The following PPP1R9A variants were observed in gnomAD, a reference collection of about 807,000 sequenced individuals.
PPP1R9A encodes the protein protein phosphatase 1 regulatory subunit 9A, also known as neurabin-1.
In PPP1R9A, 59 loss-of-function variants were observed where a neutral mutation model predicts 141.9. The ratio of observed to expected loss-of-function variants is 0.42; its 90% CI spans 0.34 to 0.52. The LOEUF (loss-of-function observed/expected upper bound fraction) is 0.52. PPP1R9A is among the 20% of genes least tolerant of loss of function. The pLI is 0.10. For missense variants in PPP1R9A, 1,444 were observed against 1,611.9 expected (o/e 0.90, Z 1.78); for synonymous variants, 500 against 569.7 (o/e 0.88, Z 1.74).
At chr7:95,265,023 G>A (rs1382936268) in intron 12 of PPP1R9A, among the ~76,000 whole-genome samples, 1 of 152,192 alleles carries the variant, frequency 6.6e-6, no homozygotes, top group Non-Finnish European at 1.5e-5. Flanking sequence ...CACTGAGCCA[G>A]TTGGATTTCC....
At chr7:94,980,996 G>A (rs1563076712) in intron 2 of PPP1R9A, among the ~76,000 whole-genome samples, 1 of 152,192 alleles carries the variant, frequency 6.6e-6, no homozygotes, top group Non-Finnish European at 1.5e-5. Context: ...GAATTTCAGT[G>A]TAGTGGAAGA....
chr7:95,217,002 A>G (rs1245383521), intron 7 of PPP1R9A, among the ~76,000 whole-genome samples: 4 of 152,096 alleles, frequency 2.6e-5, no homozygotes, highest in Non-Finnish European at 5.9e-5. Flanking sequence ...TTCCAACACT[A>G]TGTTGAATAG....
chr7:95,274,833 G>T (rs1802866847), intron 16 of PPP1R9A, among the ~76,000 whole-genome samples: 1 of 152,102 alleles, frequency 6.6e-6, no homozygotes, highest in East Asian at 1.9e-4. Context: ...TTGAATCATG[G>T]CTCTCCTACT....
At chr7:94,917,763 A>G (rs1035184073) in intron 2 of PPP1R9A, among the ~76,000 whole-genome samples, 4 of 152,146 alleles carry the variant, frequency 2.6e-5, no homozygotes, top group Non-Finnish European at 5.9e-5. Context: ...TTTCTCACAA[A>G]TGACACTAAT....
chr7:95,254,572 G>A lies in PPP1R9A; in HGVS notation c.2665+2442G>A, dbSNP rs150566357. ...GACCTTCTACTGACTGTCCAATTCT[G>A]ATTTGCTTTTCAGGCACTGGAGTGG... On this transcript the variant is annotated intron_variant, in intron 12 of 19. Coordinates refer to ENST00000433360, the MANE Select transcript of PPP1R9A (RefSeq NM_001166160.2). Among the ~76,000 whole-genome samples the A allele has an allele frequency of 3.0e-3, 462 of 152,284 alleles. 3 individuals are homozygous for A. The highest frequency in any genetic ancestry group is 0.023 in the South Asian group (110 of 4,832).
chr7:94,997,974 G>GA (rs869129167), intron 2 of PPP1R9A, among the ~76,000 whole-genome samples: 1 of 151,812 alleles, frequency 6.6e-6, no homozygotes, highest in African/African-American at 2.4e-5. Context: ...CTCAATGTTT[G>GA]AAAAAAAATT....
At chr7:95,121,984 T>C (rs1251989889) in intron 4 of PPP1R9A, among the ~76,000 whole-genome samples, 1 of 152,120 alleles carries the variant, frequency 6.6e-6, no homozygotes, top group Non-Finnish European at 1.5e-5. Flanking sequence ...GACCCAAATA[T>C]ACGACTGCTA....
At chr7:94,990,973 A>G (rs1353886200) in intron 2 of PPP1R9A, among the ~76,000 whole-genome samples, 3 of 152,028 alleles carry the variant, frequency 2.0e-5, no homozygotes, top group African/African-American at 7.2e-5. Flanking sequence ...TTAATTTCAT[A>G]TCTTGGCTAT....
chr7:95,129,512 A>T (rs1824196263), intron 4 of PPP1R9A, among the ~76,000 whole-genome samples: 1 of 152,206 alleles, frequency 6.6e-6, no homozygotes. Context: ...TTGAAAACAG[A>T]CTAATACCCC....
chr7:94,965,647 C>T (rs537544829), intron 2 of PPP1R9A, among the ~76,000 whole-genome samples: 41 of 151,998 alleles, frequency 2.7e-4, no homozygotes, highest in African/African-American at 8.4e-4. Context: ...GCATTATTTC[C>T]GAGGCCTCTG....
Position 95,163,803 on chromosome 7 carries a change from A to G in PPP1R9A, c.1754+1832A>G, listed in dbSNP as rs147118869. 2.0e-5 allele frequency among the ~76,000 whole-genome samples: 3 copies of G among 152,042 alleles called. No individual in the cohort carries two copies. In the South Asian group the frequency reaches 6.2e-4, roughly 32 times the overall value. ...CACCCAGGCTGGAGTGCAGTGGCGCAGTCTCAACTCATTGCAATCTCTGCC... is the reference window on the plus strand; with the variant it reads ...CACCCAGGCTGGAGTGCAGTGGCGCGGTCTCAACTCATTGCAATCTCTGCC... On this transcript the variant is annotated intron_variant, in intron 5 of 19. Transcript: ENST00000433360.
rs545694643 is a variant in PPP1R9A, at chr7:94,957,559, G to A, written c.1395+46051G>A. 7.9e-5 allele frequency among the ~76,000 whole-genome samples: 12 copies of A among 152,158 alleles called. No individual in the cohort carries two copies. In the East Asian group the frequency reaches 2.1e-3, roughly 27 times the overall value. On this transcript the variant is annotated intron_variant, in intron 2 of 19. Coordinates refer to ENST00000433360, the MANE Select transcript of PPP1R9A (RefSeq NM_001166160.2). ...GTTATGGTTAGAACTGGGTTCCAAA[G>A]CTTAGGGAAGGGAGATGATTTTAAT...
chr7:95,197,751 C>T (rs776484036), intron 5 of PPP1R9A, among the ~76,000 whole-genome samples: 6 of 152,124 alleles, frequency 3.9e-5, no homozygotes, highest in Non-Finnish European at 5.9e-5. Flanking sequence ...CGGATTCAAA[C>T]GATTCTCCTG....
intron 6 of PPP1R9A, among the ~76,000 whole-genome samples, chr7:95,200,636 G>A (rs1157752928): frequency 2.0e-5 from 3 of 152,100 alleles, no homozygotes; most frequent in Middle Eastern, 3.4e-3. Flanking sequence ...GTTTTTACTT[G>A]ACATTTATAC....
chr7:95,182,836 C>CA (rs952316933), intron 5 of PPP1R9A, among the ~76,000 whole-genome samples: 7 of 152,104 alleles, frequency 4.6e-5, no homozygotes, highest in Non-Finnish European at 8.8e-5. Flanking sequence ...GCAAGGATTT[C>CA]AAAAAAACTA....
In PPP1R9A at chr7:95,161,881, A is replaced by G; in HGVS notation, c.1664A>G (p.Asp555Gly). The stretch of plus-strand genomic sequence containing the variant: ...TCTTTCTAAAGAATACAAGTCAATG[A>G]CCAGATTGTGGAAGTGGATGGAATC... Reference protein sequence around the residue: ...AQRDGRIQVNDQIVEVDGISL... With the variant: ...AQRDGRIQVNGQIVEVDGISL... Residue 555 changes from aspartate to glycine, a missense_variant, in exon 5 of 20, where the codon GAC (aspartate) becomes GGC (glycine). By Grantham distance (94) the Asp-to-Gly change is moderately conservative. Transcript: ENST00000433360. 1 of 1,608,040 alleles carries G rather than the reference A, an allele frequency of 6.2e-7. No individual in the cohort carries two copies. The highest frequency in any genetic ancestry group is 8.5e-7 in the Non-Finnish European group (1 of 1,176,734).
At position 95,292,700 on chromosome 7, in the gene PPP1R9A, A is replaced by G. The variant is rs1806536780; in HGVS notation, c.*2397A>G. 6.6e-6 allele frequency: 1 copy of G among 152,174 alleles called. No individual in the cohort carries two copies. The highest frequency in any genetic ancestry group is 1.5e-5 in the Non-Finnish European group (1 of 68,016). 9.4% of individuals were successfully genotyped at this position (152,174 alleles called of 1,614,324 possible). The stretch of plus-strand genomic sequence containing the variant: ...TGATTTTTTAAGTTAAATTATAGTA[A>G]TTTTAGGCCGAAGTGAGTTATTTTA... On this transcript the variant is annotated 3_prime_UTR_variant, in exon 20 of 20. Transcript: ENST00000433360.
chr7:95,114,702 TA>T (rs1216506554), intron 3 of PPP1R9A, among the ~76,000 whole-genome samples: 1 of 152,054 alleles, frequency 6.6e-6, no homozygotes, highest in Non-Finnish European at 1.5e-5. Context: ...TGGGTTAATA[TA>T]ATGAACTCTA....
intron 8 of PPP1R9A, among the ~76,000 whole-genome samples, chr7:95,230,596 A>G (rs990368150): frequency 2.0e-5 from 3 of 152,112 alleles, no homozygotes; most frequent in African/African-American, 4.8e-5. Flanking sequence ...CCAGTCCACC[A>G]AAGACAAATA....
Sources: gnomAD v4.1 joint callset for allele counts (sites outside exome capture counted in the v4.1 genomes callset) on GRCh38, gnomAD v4.1.1 for gene constraint, MANE v1.5 for transcripts, NCBI Gene and HGNC (gene_info 2026-07-23, HGNC 2026-07-21) for gene names.